CNTN5: variants seen among roughly 807,000 people sequenced by gnomAD.
CNTN5 encodes contactin-5.
CNTN5 carries 77 observed loss-of-function variants against 129.1 expected under a neutral mutation model. That is an observed-to-expected ratio of 0.60 (90% CI 0.50 to 0.72). CNTN5 has a LOEUF of 0.72. Among genes scored for constraint, CNTN5 ranks in the 30% least tolerant of loss-of-function variants. CNTN5 has a pLI of 0.00. For missense variants in CNTN5, 1,478 were observed against 1,328.8 expected (o/e 1.11, Z -1.75); for synonymous variants, 509 against 465.6 (o/e 1.09, Z -1.20).
At chr11:99,182,708 C>T (rs75327401) in intron 1 of CNTN5, among the ~76,000 whole-genome samples, 3,816 of 152,172 alleles carry the variant, frequency 0.025, 160 homozygotes, top group African/African-American at 0.086. Context: ...CAGTTTTTAA[C>T]GTACTCGGGC....
At chr11:99,801,084 C>A (rs1220784313) in intron 3 of CNTN5, among the ~76,000 whole-genome samples, 2 of 152,060 alleles carry the variant, frequency 1.3e-5, no homozygotes, top group African/African-American at 4.8e-5. Flanking sequence ...TTTCTCATTT[C>A]CGTGTTATTA....
intron 13 of CNTN5, among the ~76,000 whole-genome samples, chr11:100,163,060 A>G (rs1187486091): frequency 6.7e-6 from 1 of 150,290 alleles, no homozygotes; most frequent in Non-Finnish European, 1.5e-5. Flanking sequence ...AAGTTTTAAA[A>G]CAACATTATT....
chr11:99,806,385 A>C (rs1591219848), intron 3 of CNTN5, among the ~76,000 whole-genome samples: 1 of 152,204 alleles, frequency 6.6e-6, no homozygotes, highest in East Asian at 1.9e-4. Context: ...TTTACTTATA[A>C]AAGTGCCATG....
chr11:100,207,041 G>C lies in CNTN5; in HGVS notation c.1884+13378G>C, dbSNP rs557041011. 9.9e-5 allele frequency among the ~76,000 whole-genome samples: 15 copies of C among 152,106 alleles called. No individual in the cohort carries two copies. The South Asian group carries it at 2.7e-3, about 27-fold the overall frequency. On this transcript the variant is annotated intron_variant, in intron 15 of 24. Coordinates refer to ENST00000524871, the MANE Select transcript of CNTN5 (RefSeq NM_014361.4). ...TTTGTTCACTTTGCAAACACTTAAT[G>C]GTTACCTGTAATGTGTACAGCATTA...
chr11:99,782,320 G>A (rs186834740), intron 3 of CNTN5, among the ~76,000 whole-genome samples: 1,574 of 138,342 alleles, frequency 0.011, 14 homozygotes, highest in Middle Eastern at 0.03. Context: ...GCTCAAGGAA[G>A]TAAAAGAGGA....
At chr11:100,133,997 A>G (rs1265338679) in intron 13 of CNTN5, among the ~76,000 whole-genome samples, 1 of 152,182 alleles carries the variant, frequency 6.6e-6, no homozygotes, top group African/African-American at 2.4e-5. Flanking sequence ...GAAATGTCAG[A>G]AAATAACGAA....
chr11:100,032,091 T>C (rs921500827), intron 9 of CNTN5, among the ~76,000 whole-genome samples: 3 of 152,162 alleles, frequency 2.0e-5, no homozygotes, highest in Non-Finnish European at 2.9e-5. Flanking sequence ...AACCATATAC[T>C]CTATTCAACT....
At chr11:99,203,058 G>A (rs1489115478) in intron 1 of CNTN5, among the ~76,000 whole-genome samples, 3 of 151,872 alleles carry the variant, frequency 2.0e-5, no homozygotes, top group Non-Finnish European at 4.4e-5. Flanking sequence ...AGGGAGGAAG[G>A]GAGAAAGGGA....
intron 1 of CNTN5, among the ~76,000 whole-genome samples, chr11:99,258,991 T>C (rs540751584): frequency 1.9e-4 from 29 of 151,942 alleles, no homozygotes; most frequent in African/African-American, 6.7e-4. Flanking sequence ...TAGAGAGTAA[T>C]AGGCCAATAA....
At chr11:99,664,135 T>C (rs1337477512) in intron 3 of CNTN5, among the ~76,000 whole-genome samples, 1 of 152,190 alleles carries the variant, frequency 6.6e-6, no homozygotes. Flanking sequence ...GTTTGTACTC[T>C]ATCACTGTGT....
At chr11:99,210,299 T>C (rs2135666324) in intron 1 of CNTN5, among the ~76,000 whole-genome samples, 1 of 152,324 alleles carries the variant, frequency 6.6e-6, no homozygotes, top group South Asian at 2.1e-4. Flanking sequence ...ATTTTTGCAA[T>C]GCTTTCCCTC....
intron 2 of CNTN5, among the ~76,000 whole-genome samples, chr11:99,388,981 C>CTTTATTTTATTTTAT (rs1565542059): frequency 2.8e-5 from 3 of 105,646 alleles, no homozygotes; most frequent in Admixed American, 9.3e-5. Context: ...ATTCTCCAGT[C>CTTTATTTTATTTTAT]CTTATTTTAT....
intron 3 of CNTN5, among the ~76,000 whole-genome samples, chr11:99,702,845 C>A (rs761941272): frequency 2.7e-4 from 41 of 150,844 alleles, no homozygotes; most frequent in Non-Finnish European, 5.5e-4. Context: ...AAGTAGGAAT[C>A]ATCTCTCCAG....
chr11:100,183,130 T>C (rs1948189681), intron 13 of CNTN5, among the ~76,000 whole-genome samples: 2 of 152,148 alleles, frequency 1.3e-5, no homozygotes, highest in Admixed American at 6.6e-5. Flanking sequence ...CTGCAAGAGC[T>C]CTCATACACT....
intron 13 of CNTN5, among the ~76,000 whole-genome samples, chr11:100,106,115 T>C (rs1945423299): frequency 1.3e-5 from 2 of 152,134 alleles, no homozygotes; most frequent in African/African-American, 4.8e-5. Context: ...CAAAGGGCGA[T>C]TCAGGGACTG....
At position 100,185,936 on chromosome 11, in the gene CNTN5, G is replaced by GTAATC. The variant is rs558775138; in HGVS notation, c.1581-5187_1581-5183dup. Among the ~76,000 whole-genome samples the GTAATC allele has an allele frequency of 3.3e-3, 506 of 152,284 alleles. 3 individuals are homozygous for GTAATC. Among genetic ancestry groups the GTAATC allele is most frequent in the Non-Finnish European group, 5.7e-3 (390 of 68,010 alleles). On this transcript the variant is annotated intron_variant, in intron 13 of 24. Transcript: ENST00000524871. Reference sequence around the variant, plus strand: ...AAATAAATTTCTGTTGTTAAACAACGTAATCTAGAAATCAAAGATCACTAA... The same window carrying GTAATC: ...AAATAAATTTCTGTTGTTAAACAACGTAATCTAATCTAGAAATCAAAGATCACTAA...
At chr11:100,228,744 C>T (rs564875553) in intron 16 of CNTN5, among the ~76,000 whole-genome samples, 45 of 152,266 alleles carry the variant, frequency 3.0e-4, no homozygotes, top group East Asian at 7.7e-4. Context: ...TCTCAGCCCT[C>T]GGCTGGCTCT....
At chr11:100,114,765 A>G (rs995306886) in intron 13 of CNTN5, among the ~76,000 whole-genome samples, 2 of 152,114 alleles carry the variant, frequency 1.3e-5, no homozygotes, top group Non-Finnish European at 2.9e-5. Flanking sequence ...GACTCAATTT[A>G]CATGTCATCT....
At chr11:100,217,425 A>T (rs1012405486) in intron 15 of CNTN5, among the ~76,000 whole-genome samples, 44 of 152,212 alleles carry the variant, frequency 2.9e-4, no homozygotes, top group African/African-American at 1.0e-3. Context: ...GTTCTTGTTA[A>T]ATAATTACAT....
Sources: allele counts gnomAD v4.1 joint callset (sites outside exome capture counted in the v4.1 genomes callset), GRCh38; gene constraint gnomAD v4.1.1; transcripts MANE v1.5; gene names NCBI Gene and HGNC (gene_info 2026-07-23, HGNC 2026-07-21).